Variants in ZNF418 observed in about 807,000 individuals in gnomAD.
ZNF418 encodes the protein zinc finger protein 418.
Under a neutral mutation model 32.0 loss-of-function variants are expected in ZNF418, and 32 were observed. The ratio of observed to expected loss-of-function variants is 1.00; its 90% confidence interval spans 0.75 to 1.34. ZNF418 has a LOEUF of 1.34. ZNF418 is among the 40% of genes most tolerant of loss of function. The probability of loss-of-function intolerance (pLI) is 0.00; values close to 1 mark genes in which losing one functional copy is unlikely to be tolerated. For synonymous variants in ZNF418, 276 were observed against 270.7 expected (o/e 1.02, Z -0.19); for missense variants, 804 against 812.5 (o/e 0.99, Z 0.13).
chr19:57,932,720 GTC>G (rs2072533411), intron 2 of ZNF418: 1 of 1,060,260 alleles, frequency 9.4e-7, no homozygotes, highest in African/African-American at 1.6e-5. Flanking sequence ...CAGGCCCAAT[GTC>G]TGTCACAGAT....
chr19:57,927,610 C>CA lies in ZNF418; in HGVS notation c.570dup (p.Glu191Ter). 1 of 1,614,016 alleles carries CA rather than the reference C, an allele frequency of 6.2e-7. No individual in the cohort carries two copies. Among genetic ancestry groups the CA allele is most frequent in the Non-Finnish European group, 8.5e-7 (1 of 1,179,906 alleles). On this transcript the variant is annotated frameshift_variant, in exon 4 of 6. Transcript: ENST00000396147. LOFTEE classifies it high-confidence loss of function. ...CCCCACTGAAAGGGAGACTCACACT[C>CA]AGGTTTGCTGTTTGACTTCTCCCCA...
chr19:57,930,751 G>C (rs1311471870), intron 2 of ZNF418, among the ~76,000 whole-genome samples, 197 bp from the exon 3 acceptor site: 1 of 152,008 alleles, frequency 6.6e-6, no homozygotes, highest in African/African-American at 2.4e-5. Flanking sequence ...TTAAGAAGTA[G>C]GGGAAAAATA....
chr19:57,924,269 G>T (rs1466218741), intron 4 of ZNF418, among the ~76,000 whole-genome samples: 2 of 152,140 alleles, frequency 1.3e-5, no homozygotes, highest in African/African-American at 4.8e-5. Flanking sequence ...TGATAAGCCA[G>T]GAAGGCCATT....
At chr19:57,930,621 C>T in intron 2 of ZNF418, 67 bp from the exon 3 acceptor site, 1 of 1,601,128 alleles carries the variant, frequency 6.2e-7, no homozygotes, top group Admixed American at 1.7e-5. Context: ...TCCACCTCTC[C>T]CACACCCCCA....
rs1003984035 is a variant in ZNF418 at position 57,922,509 on chromosome 19, C to G, written c.*746G>C. On this transcript the variant is annotated 3_prime_UTR_variant, in exon 6 of 6. Transcript: ENST00000396147. ...TCTTCTGTAAGGAAATGCTTGAACC[C>G]AAAGAGAGAACATGCAGATCATAAT... 2.0e-5 allele frequency: 8 copies of G among 398,224 alleles called. No homozygotes were observed. Among genetic ancestry groups the G allele is most frequent in the Non-Finnish European group, 3.1e-5 (7 of 225,978 alleles). 24.7% of individuals were successfully genotyped at this position (398,224 alleles called of 1,614,324 possible). A position where few individuals can be genotyped will look rare whatever the true frequency, so the allele number is the denominator to read the frequency against.
Position 57,925,649 on chromosome 19 carries a change from C to T in ZNF418, c.*501G>A, listed in dbSNP as rs2072188622. On this transcript the variant is annotated 3_prime_UTR_variant, in exon 4 of 6. Transcript: ENST00000396147. Reference sequence around the variant, plus strand: ...AATTCCTCTGGCCAACGAAAGACAACCAAGGTTTACTTCCAGAACATCATG... The same window carrying T: ...AATTCCTCTGGCCAACGAAAGACAATCAAGGTTTACTTCCAGAACATCATG... 1 of 161,330 alleles carries T rather than the reference C, an allele frequency of 6.2e-6. No homozygotes were observed. Among genetic ancestry groups the T allele is most frequent in the African/African-American group, 2.4e-5 (1 of 41,500 alleles). 10.0% of individuals were successfully genotyped at this position (161,330 alleles called of 1,614,324 possible). A position where few individuals can be genotyped will look rare whatever the true frequency, so the allele number is the denominator to read the frequency against.
Position 57,927,638 on chromosome 19 carries a change from G to A in ZNF418, c.543C>T (p.His181=). Residue 181 remains histidine, a synonymous_variant, in exon 4 of 6, where the codon CAC becomes CAT. Coordinates refer to ENST00000396147, the MANE Select transcript of ZNF418 (RefSeq NM_133460.3). ...SSGLLLQEAT[H]TGEKSNSKPE... ...GTTTGCTGTTTGACTTCTCCCCAGT[G>A]TGAGTGGCCTCCTGCAGCAGTAATC... 1.9e-6 allele frequency: 3 copies of A among 1,614,068 alleles called. No homozygotes were observed. The highest frequency in any genetic ancestry group is 2.5e-6 in the Non-Finnish European group (3 of 1,179,928).
chr19:57,922,702 A>C (rs1268736575), intron 5 of ZNF418, 73 bp from the exon 6 acceptor site: 3 of 397,406 alleles, frequency 7.5e-6, no homozygotes, highest in African/African-American at 6.2e-5. Flanking sequence ...AAATTGCAAG[A>C]AAAAAACCAA....
At chr19:57,924,963 C>G (rs1166726184) in intron 4 of ZNF418, among the ~76,000 whole-genome samples, 1 of 152,206 alleles carries the variant, frequency 6.6e-6, no homozygotes, top group Non-Finnish European at 1.5e-5. Context: ...ACTGTCCCCT[C>G]TGAGGCACAC....
intron 1 of ZNF418, chr19:57,934,376 C>A (rs1201988046): frequency 2.8e-5 from 6 of 215,674 alleles, no homozygotes; most frequent in Non-Finnish European, 4.8e-5. Flanking sequence ...ATCACCACGC[C>A]TGGCTAATTT....
At chr19:57,924,538 A>G (rs976216085) in intron 4 of ZNF418, among the ~76,000 whole-genome samples, 1 of 152,224 alleles carries the variant, frequency 6.6e-6, no homozygotes, top group African/African-American at 2.4e-5. Flanking sequence ...AACTGAATCA[A>G]TGTGGATGAC....
chr19:57,935,037 C>A, intron 1 of ZNF418, 124 bp downstream of exon 1: 1 of 1,392,534 alleles, frequency 7.2e-7, no homozygotes, highest in South Asian at 1.3e-5. Flanking sequence ...GGACCTCTCC[C>A]GCGAACGCCT....
At chr19:57,929,529 C>T (rs922521179) in intron 3 of ZNF418, among the ~76,000 whole-genome samples, 1 of 152,212 alleles carries the variant, frequency 6.6e-6, no homozygotes, top group African/African-American at 2.4e-5. Flanking sequence ...AGGCCATTTC[C>T]ACCTGATTAA....
At chr19:57,923,785 C>G (rs1555781193) in intron 4 of ZNF418, among the ~76,000 whole-genome samples, 1 of 151,746 alleles carries the variant, frequency 6.6e-6, no homozygotes, top group South Asian at 2.1e-4. Flanking sequence ...ACCATGTTAG[C>G]CAGGATGGTC....
intron 4 of ZNF418, among the ~76,000 whole-genome samples, chr19:57,924,423 G>A (rs923022193): frequency 3.9e-5 from 6 of 152,204 alleles, no homozygotes; most frequent in Non-Finnish European, 5.9e-5. Flanking sequence ...AGGAATCCAC[G>A]AATCCTTTAT....
In ZNF418 at chr19:57,926,112, G is replaced by A. The variant is rs368426259; in HGVS notation, c.*38C>T. ...GTAAGAACCCTCTGATCAAGAAGAT[G>A]CACAGAGGTTTAGCTAAAGAATTTC... On this transcript the variant is annotated 3_prime_UTR_variant, in exon 4 of 6. Coordinates refer to ENST00000396147, the MANE Select transcript of ZNF418 (RefSeq NM_133460.3). 3 of 1,536,374 alleles carry A rather than the reference G, an allele frequency of 2.0e-6. No individual in the cohort carries two copies. The highest frequency in any genetic ancestry group is 2.7e-6 in the Non-Finnish European group (3 of 1,125,794).
At chr19:57,922,782 T>A (rs564501557) in intron 5 of ZNF418, among the ~76,000 whole-genome samples, 153 bp from the exon 6 acceptor site, 1 of 151,686 alleles carries the variant, frequency 6.6e-6, no homozygotes, top group East Asian at 1.9e-4. Flanking sequence ...GAAGATCCCT[T>A]GAGCTCAGGA....
rs188698680 is a variant in ZNF418, at chr19:57,923,472, A to G, written c.*528-183T>C. 5.3e-5 allele frequency among the ~76,000 whole-genome samples: 8 copies of G among 151,216 alleles called. No individual in the cohort carries two copies. The East Asian group carries it at 1.5e-3, about 29-fold the overall frequency. ...TATACACACATATATATACATATAT[A>G]CATACATATACATACATGTATATAC... On this transcript the variant is annotated intron_variant, in intron 4 of 5. Coordinates refer to ENST00000396147, the MANE Select transcript of ZNF418 (RefSeq NM_133460.3).
rs996256882 is a variant in ZNF418, at chr19:57,934,956, C to T, written c.-81+205G>A. The T allele has an allele frequency of 3.7e-6, 5 of 1,366,024 alleles. No individual in the cohort carries two copies. The Admixed American group carries it at 9.5e-5, about 26-fold the overall frequency. 84.6% of individuals were successfully genotyped at this position (1,366,024 alleles called of 1,614,324 possible). A position where few individuals can be genotyped will look rare whatever the true frequency, so the allele number is the denominator to read the frequency against. On this transcript the variant is annotated intron_variant, in intron 1 of 5. Transcript: ENST00000396147. Reference sequence around the variant, plus strand: ...GGTTCCATCCTCCCGGGTCTGTCCTCCAGGCCATAGCCCGCGCCGGTCCCT... The same window carrying T: ...GGTTCCATCCTCCCGGGTCTGTCCTTCAGGCCATAGCCCGCGCCGGTCCCT...
Sources: gnomAD v4.1 joint callset for allele counts (sites outside exome capture counted in the v4.1 genomes callset) on GRCh38, gnomAD v4.1.1 for gene constraint, MANE v1.5 for transcripts, NCBI Gene and HGNC (gene_info 2026-07-23, HGNC 2026-07-21) for gene names.